Variants in ZNF219 observed in about 807,000 individuals in gnomAD.
ZNF219 encodes zinc finger protein 219.
Under a neutral mutation model 54.4 loss-of-function variants are expected in ZNF219, and 17 were observed. The ratio of observed to expected loss-of-function variants is 0.31; its 90% CI spans 0.21 to 0.47. The LOEUF (loss-of-function observed/expected upper bound fraction) is 0.47. Ranked by LOEUF, ZNF219 falls within the 20% of genes least tolerant of loss-of-function variation. The pLI is 1.00. For synonymous variants in ZNF219, 518 were observed against 476.4 expected, an observed-to-expected ratio of 1.09 and a Z score of -1.14; for missense variants, 1,014 against 1,062.3, an observed-to-expected ratio of 0.95 and a Z score of 0.63.
At chr14:21,091,677 T>G in intron 3 of ZNF219, 135 bp from the exon 4 acceptor site, 2 of 1,471,128 alleles carry the variant, frequency 1.4e-6, no homozygotes, top group Non-Finnish European at 9.0e-7. Flanking sequence ...GGGTTAGATT[T>G]GTTGTGACTA....
upstream of ZNF219, chr14:21,102,843 T>C (rs1889734312): frequency 3.3e-6 from 5 of 1,520,458 alleles, no homozygotes; most frequent in Non-Finnish European, 4.4e-6. Flanking sequence ...CTGCCTATCC[T>C]GGTCAGTGGC....
At chr14:21,104,246 C>T (rs987003087) in intron 1 of ZNF219, 2 of 152,266 alleles carry the variant, frequency 1.3e-5, no homozygotes, top group Non-Finnish European at 2.9e-5. Context: ...CACCCTTTAT[C>T]TCCAACGCGG....
Position 21,090,436 on chromosome 14 carries a change from G to A in ZNF219, c.*100C>T. 2 of 1,440,204 alleles carry A rather than the reference G, an allele frequency of 1.4e-6. No individual in the cohort carries two copies. Among genetic ancestry groups the A allele is most frequent in the African/African-American group, 1.4e-5 (1 of 70,096 alleles). The allele number at this position is 1,440,204 out of a possible 1,614,324, so 89.2% of individuals were successfully genotyped here. On this transcript the variant is annotated 3_prime_UTR_variant, in exon 5 of 5. Coordinates refer to ENST00000360947, the MANE Select transcript of ZNF219 (RefSeq NM_016423.3). This position sits in a 1 kb window ranked among gnomAD's most constrained non-coding sequence, Gnocchi z 4.4. ...TGGTCCGCCTGGGGCTGGGATATGGGTCCCACGCTGCCCCCTGCTGGCTTC... is the reference window on the plus strand; with the variant it reads ...TGGTCCGCCTGGGGCTGGGATATGGATCCCACGCTGCCCCCTGCTGGCTTC...
upstream of ZNF219, chr14:21,099,232 C>G (rs1278350945): frequency 6.4e-6 from 1 of 156,376 alleles, no homozygotes. Context: ...TCAATATTTA[C>G]TGAATGCCTG....
chr14:21,094,289 G>A (rs1889152090), intron 1 of ZNF219: 1 of 442,208 alleles, frequency 2.3e-6, no homozygotes, highest in Non-Finnish European at 4.6e-6. Flanking sequence ...GGGCATGAAG[G>A]GGGAGGGAGC....
At chr14:21,101,450 C>A, upstream of ZNF219, 1 of 1,551,274 alleles carries the variant, frequency 6.4e-7, no homozygotes. Context: ...TTGGTGCTAG[C>A]GGTGAGGCCA....
chr14:21,101,775 C>A, upstream of ZNF219: 1 of 1,038,610 alleles, frequency 9.6e-7, no homozygotes, highest in Non-Finnish European at 1.4e-6. Flanking sequence ...TGCATTCAAT[C>A]CCATTTCCTG....
In ZNF219 at chr14:21,090,750, G is replaced by A. The variant is rs1372296650; in HGVS notation, c.1955C>T (p.Pro652Leu). Residue 652 changes from proline to leucine, a missense_variant, in exon 5 of 5, where the codon CCG becomes CTG. Transcript: ENST00000360947. This position sits in a 1 kb window ranked among gnomAD's most constrained non-coding sequence, Gnocchi z 4.4. ...GGALHRCLFC[P>L]FATGAPELMA... ...GAGCTCTGGGGCTCCAGTGGCGAAC[G>A]GGCAGAAGAGGCAGCGGTGGAGGGC... is the stretch of plus-strand genomic sequence containing the variant. 4.3e-5 allele frequency: 69 copies of A among 1,607,138 alleles called. No homozygotes were observed. The highest frequency in any genetic ancestry group is 5.9e-5 in the Non-Finnish European group (69 of 1,177,770).
At position 21,092,896 on chromosome 14, in the gene ZNF219, A is replaced by G. The variant is rs749693794; in HGVS notation, c.401T>C (p.Leu134Pro). 7 of 1,546,950 alleles carry G rather than the reference A, an allele frequency of 4.5e-6. No homozygotes were observed. The East Asian group carries it at 1.1e-4, about 25-fold the overall frequency. The change falls in exon 3 of 5, where the codon CTG becomes CCG. Residue 134 changes from leucine to proline, a missense_variant. Leu to Pro is a moderately conservative substitution (Grantham distance 98). Around this residue, in one of 5 missense-constraint regions of ZNF219, gnomAD observed 395 missense variants for 415.1 expected, o/e 0.95. Transcript: ENST00000360947. ...EERALLREAR[L>P]GRARSSGGMQ... Reference sequence around the variant, plus strand: ...GCCCCCTGAGCTTCGGGCTCTCCCCAGTCGGGCCTCGCGTAGTAGCGCGCG... The same window carrying G: ...GCCCCCTGAGCTTCGGGCTCTCCCCGGTCGGGCCTCGCGTAGTAGCGCGCG...
At chr14:21,091,172 G>A (rs771265004) in intron 4 of ZNF219, 32 bp from the exon 5 acceptor site, 2 of 1,585,470 alleles carry the variant, frequency 1.3e-6, no homozygotes, top group South Asian at 2.2e-5. Context: ...GGGTCACGGG[G>A]TCACGATGAC....
chr14:21,099,054 TTCC>T (rs1183324527), upstream of ZNF219: 2 of 293,554 alleles, frequency 6.8e-6, no homozygotes, highest in Non-Finnish European at 1.3e-5. Context: ...CTATTTTCCA[TTCC>T]TCAAGTCACT....
rs758023056 is a variant in ZNF219, at chr14:21,092,099, G to C, written c.1198C>G (p.Pro400Ala). 6.5e-7 allele frequency: 1 copy of C among 1,533,754 alleles called. No homozygotes were observed. Among genetic ancestry groups the C allele is most frequent in the East Asian group, 2.5e-5 (1 of 39,674 alleles). ...RPNGEGAEPG[P>A]GRSFGGFRPL... is the part of the protein sequence containing the mutation. ...CGGAAGCCTCCGAAGCTGCGGCCGG[G>C]ACCGGGCTCAGCACCCTCGCCGTTG... Residue 400 changes from proline (P) to alanine (A), a missense_variant, in exon 3 of 5, where the codon CCC becomes GCC. By Grantham distance (27) the Pro-to-Ala change is conservative. Transcript: ENST00000360947.
chr14:21,090,436 G>C lies in ZNF219; in HGVS notation c.*100C>G. 1 of 1,440,204 alleles carries C rather than the reference G, an allele frequency of 6.9e-7. No homozygotes were observed. The highest frequency in any genetic ancestry group is 9.3e-7 in the Non-Finnish European group (1 of 1,073,662). 89.2% of individuals were successfully genotyped at this position (1,440,204 alleles called of 1,614,324 possible). A position where few individuals can be genotyped will look rare whatever the true frequency, so the allele number is the denominator to read the frequency against. On this transcript the variant is annotated 3_prime_UTR_variant, in exon 5 of 5. Coordinates refer to ENST00000360947, the MANE Select transcript of ZNF219 (RefSeq NM_016423.3). The surrounding 1 kb of genome is among the most constrained non-coding windows in gnomAD (Gnocchi z 4.4). ...TGGTCCGCCTGGGGCTGGGATATGGGTCCCACGCTGCCCCCTGCTGGCTTC... is the reference window on the plus strand; with the variant it reads ...TGGTCCGCCTGGGGCTGGGATATGGCTCCCACGCTGCCCCCTGCTGGCTTC...
At chr14:21,100,540 T>C (rs1016090615), upstream of ZNF219, among the ~76,000 whole-genome samples, 2 of 151,592 alleles carry the variant, frequency 1.3e-5, no homozygotes, top group Non-Finnish European at 2.9e-5. Context: ...ATGAGATAGA[T>C]AGATAGATAG....
At chr14:21,093,916 A>C in intron 1 of ZNF219, 2 of 463,732 alleles carry the variant, frequency 4.3e-6, no homozygotes, top group Non-Finnish European at 4.0e-6. Flanking sequence ...TGCATGGTCC[A>C]GAACAACCAC....
intron 2 of ZNF219, 39 bp downstream of exon 2, chr14:21,093,547 T>C (rs759947691): frequency 6.3e-7 from 1 of 1,596,720 alleles, no homozygotes; most frequent in South Asian, 1.1e-5. Context: ...GAGTATACAG[T>C]TGTAGGTACT....
intron 1 of ZNF219, among the ~76,000 whole-genome samples, chr14:21,095,338 G>A (rs1299607184): frequency 6.6e-6 from 1 of 152,198 alleles, no homozygotes; most frequent in African/African-American, 2.4e-5. Context: ...CTGGGACTAA[G>A]AGCCTAGCCA....
chr14:21,095,235 C>A (rs751943717), intron 1 of ZNF219, among the ~76,000 whole-genome samples: 3 of 152,112 alleles, frequency 2.0e-5, no homozygotes, highest in African/African-American at 4.8e-5. Context: ...GTGTCCTTGT[C>A]CAAGGGTCAC....
upstream of ZNF219, chr14:21,102,309 C>A: frequency 2.0e-6 from 3 of 1,468,894 alleles, no homozygotes; most frequent in Non-Finnish European, 9.2e-7. Flanking sequence ...GGCTGAGAAG[C>A]AGAAGCTGAG....
Sources: allele counts gnomAD v4.1 joint callset (sites outside exome capture counted in the v4.1 genomes callset), GRCh38; gene constraint gnomAD v4.1.1; regional missense constraint gnomAD v4.1.1; non-coding constraint Gnocchi (gnomAD v3.1); transcripts MANE v1.5; gene names NCBI Gene and HGNC (gene_info 2026-07-23, HGNC 2026-07-21).